MBD5: variants seen among roughly 807,000 people sequenced by gnomAD.
The protein encoded by MBD5 is methyl-CpG-binding domain protein 5.
MBD5 carries 13 observed loss-of-function variants against 117.3 expected under a neutral mutation model. That is an observed-to-expected ratio of 0.11 (90% CI 0.07 to 0.18). MBD5 has a LOEUF of 0.18. MBD5 is among the 10% of genes least tolerant of loss of function. MBD5 has a pLI of 1.00. For synonymous variants in MBD5, 727 were observed against 766.4 expected (o/e 0.95, Z 0.85); for missense variants, 1,879 against 2,093.8 (o/e 0.90, Z 2.00).
At chr2:148,102,723 CACACACAGAGAGAGAG>C (rs1696257341) in intron 1 of MBD5, among the ~76,000 whole-genome samples, 1 of 69,922 alleles carries the variant, frequency 1.4e-5, no homozygotes, top group African/African-American at 4.8e-5. Flanking sequence ...CACACACACA[CACACACAGAGAGAGAG>C]AGAGAGAGAG....
intron 1 of MBD5, among the ~76,000 whole-genome samples, chr2:148,067,504 C>A (rs1292908442): frequency 1.3e-5 from 2 of 152,126 alleles, no homozygotes; most frequent in African/African-American, 4.8e-5. Flanking sequence ...TTTATAGATT[C>A]ATTCTAGATG....
intron 1 of MBD5, among the ~76,000 whole-genome samples, chr2:148,059,618 C>T (rs573882476): frequency 7.9e-5 from 12 of 152,034 alleles, no homozygotes; most frequent in South Asian, 4.2e-4. Flanking sequence ...GAGGCCGAGG[C>T]GGGCGGATCA....
rs1394362784 is a variant in MBD5, at chr2:148,489,445, C to G, written c.3813C>G (p.Leu1271=). Residue 1271 remains leucine, a synonymous_variant, in exon 11 of 14, where the codon CTC becomes CTG. Coordinates refer to ENST00000642680, the MANE Select transcript of MBD5 (RefSeq NM_001378120.1). The part of the protein sequence containing the change: ...LNKRISTQPG[L]TALPENPNTT... ...AAAGAATAAGCACTCAGCCTGGGCT[C>G]ACAGCACTTCCTGAGAATCCAAACA... 1.9e-6 allele frequency: 3 copies of G among 1,614,152 alleles called. No homozygotes were observed. Among genetic ancestry groups the G allele is most frequent in the South Asian group, 2.2e-5 (2 of 91,082 alleles).
rs556041997 is a variant in MBD5, at chr2:148,468,070, C to A, written c.398-271C>A. Reference sequence around the variant, plus strand: ...GCTTTAGATGCCCATGCTTTCTCAACAGATAAAGAGTAAATAAGCATAATG... The same window carrying A: ...GCTTTAGATGCCCATGCTTTCTCAAAAGATAAAGAGTAAATAAGCATAATG... On this transcript the variant is annotated intron_variant, in intron 7 of 13. Coordinates refer to ENST00000642680, the MANE Select transcript of MBD5 (RefSeq NM_001378120.1). Among the ~76,000 whole-genome samples, 3 of 152,232 alleles carry A rather than the reference C, an allele frequency of 2.0e-5. No homozygotes were observed. The East Asian group carries it at 5.8e-4, about 29-fold the overall frequency.
chr2:148,325,345 C>T (rs1297900308), intron 3 of MBD5, among the ~76,000 whole-genome samples: 1 of 152,102 alleles, frequency 6.6e-6, no homozygotes, highest in African/African-American at 2.4e-5. Flanking sequence ...TGATGCTGGC[C>T]TCATAAAATG....
At chr2:148,319,617 T>C (rs1213794191) in intron 3 of MBD5, among the ~76,000 whole-genome samples, 1 of 152,218 alleles carries the variant, frequency 6.6e-6, no homozygotes, top group Non-Finnish European at 1.5e-5. Context: ...TCCTGAAACT[T>C]TACTGGATTC....
At chr2:148,425,385 C>T (rs1470817689) in intron 4 of MBD5, among the ~76,000 whole-genome samples, 1 of 152,126 alleles carries the variant, frequency 6.6e-6, no homozygotes, top group Admixed American at 6.6e-5. Flanking sequence ...GAAATTGAGG[C>T]AGTAATTAAT....
intron 1 of MBD5, among the ~76,000 whole-genome samples, chr2:148,038,155 T>A (rs1053328445): frequency 6.6e-6 from 1 of 151,956 alleles, no homozygotes; most frequent in African/African-American, 2.4e-5. Flanking sequence ...AAAGCAGGAA[T>A]GTGAAAGAGA....
chr2:148,429,921 C>A (rs1205198973), intron 4 of MBD5, among the ~76,000 whole-genome samples: 1 of 152,024 alleles, frequency 6.6e-6, no homozygotes, highest in African/African-American at 2.4e-5. Context: ...GTGCAGCAAA[C>A]CACCATGGCA....
chr2:148,067,024 T>C (rs1465780061), intron 1 of MBD5, among the ~76,000 whole-genome samples: 1 of 152,188 alleles, frequency 6.6e-6, no homozygotes, highest in African/African-American at 2.4e-5. Flanking sequence ...GCATGGCACA[T>C]AGAGATATTC....
chr2:148,461,764 C>T (rs989800099), intron 5 of MBD5, among the ~76,000 whole-genome samples: 2 of 152,184 alleles, frequency 1.3e-5, no homozygotes, highest in Non-Finnish European at 2.9e-5. Context: ...AAATCAGAGA[C>T]ATCTCTTGTC....
chr2:148,385,953 A>G (rs1704344254), intron 4 of MBD5, among the ~76,000 whole-genome samples: 1 of 111,036 alleles, frequency 9.0e-6, no homozygotes, highest in African/African-American at 3.6e-5. Context: ...AACACTGGGG[A>G]CTGTTGTGGG....
Position 148,515,694 on chromosome 2 carries a change from C to G in MBD5, c.*2753C>G, listed in dbSNP as rs1682331297. ...TAAGAAACAAATCCAAGAATGGAAA[C>G]AGATGAAAAATTTTTTCTTCTTTAA... On this transcript the variant is annotated 3_prime_UTR_variant, in exon 14 of 14. Coordinates refer to ENST00000642680, the MANE Select transcript of MBD5 (RefSeq NM_001378120.1). 1 of 152,028 alleles carries G rather than the reference C, an allele frequency of 6.6e-6. No homozygotes were observed. The highest frequency in any genetic ancestry group is 1.5e-5 in the Non-Finnish European group (1 of 67,978). 9.4% of individuals were successfully genotyped at this position (152,028 alleles called of 1,614,324 possible).
chr2:148,444,009 T>C (rs1209174914), intron 4 of MBD5, among the ~76,000 whole-genome samples: 1 of 151,316 alleles, frequency 6.6e-6, no homozygotes, highest in African/African-American at 2.5e-5. Flanking sequence ...ATGTAACTCA[T>C]ACATATATAT....
chr2:148,102,124 C>T (rs1696231864), intron 1 of MBD5, among the ~76,000 whole-genome samples: 1 of 152,118 alleles, frequency 6.6e-6, no homozygotes, highest in African/African-American at 2.4e-5. Context: ...CTAATACATC[C>T]TATCTGCCCT....
chr2:148,318,094 T>C (rs1702195988), intron 3 of MBD5, among the ~76,000 whole-genome samples: 1 of 152,218 alleles, frequency 6.6e-6, no homozygotes, highest in Non-Finnish European at 1.5e-5. Flanking sequence ...TATTTTCTAT[T>C]ATCCCCATCC....
chr2:148,375,931 T>C (rs982275446), intron 4 of MBD5, among the ~76,000 whole-genome samples: 2 of 151,668 alleles, frequency 1.3e-5, no homozygotes, highest in African/African-American at 4.9e-5. Flanking sequence ...ACATCTGGGG[T>C]TGTAGTATAG....
chr2:148,040,841 C>A (rs953559656), intron 1 of MBD5, among the ~76,000 whole-genome samples: 11 of 152,156 alleles, frequency 7.2e-5, no homozygotes, highest in South Asian at 2.1e-4. Context: ...AATTTTAAAT[C>A]AAAATCTTTG....
intron 1 of MBD5, among the ~76,000 whole-genome samples, chr2:148,154,527 C>A (rs866903827): frequency 1.3e-5 from 2 of 152,214 alleles, no homozygotes; most frequent in Non-Finnish European, 2.9e-5. Flanking sequence ...GCCCCTCCCC[C>A]AGCCTGGCTG....
Sources: gnomAD v4.1 joint callset for allele counts (sites outside exome capture counted in the v4.1 genomes callset) on GRCh38, gnomAD v4.1.1 for gene constraint, MANE v1.5 for transcripts, NCBI Gene and HGNC (gene_info 2026-07-23, HGNC 2026-07-21) for gene names.